The following BLTP2 variants were observed in gnomAD, a reference collection of about 807,000 sequenced individuals.
BLTP2 encodes the protein U937-associated antigen.
the BLTP2 span, chr17:28,621,503 A>T: frequency 6.2e-7 from 1 of 1,611,336 alleles, no homozygotes; most frequent in Non-Finnish European, 8.5e-7. Flanking sequence ...CTTCACCTGA[A>T]GAAAGAGATG....
the BLTP2 span, chr17:28,634,764 T>C: frequency 1.9e-6 from 3 of 1,613,932 alleles, no homozygotes; most frequent in Non-Finnish European, 2.5e-6. Context: ...TTTCAATGTT[T>C]TTGCGTTCCA....
At chr17:28,634,187 A>G in the BLTP2 span, 1 of 1,048,116 alleles carries the variant, frequency 9.5e-7, no homozygotes, top group Non-Finnish European at 1.4e-6. Flanking sequence ...CTATATTTAC[A>G]AAGTCAATTG....
the BLTP2 span, chr17:28,643,243 G>C: frequency 5.0e-6 from 8 of 1,614,168 alleles, no homozygotes; most frequent in South Asian, 7.7e-5. Flanking sequence ...GAATGGGGCA[G>C]ACAGGTCAGA....
chr17:28,645,140 C>G, the BLTP2 span: 6 of 1,130,728 alleles, frequency 5.3e-6, no homozygotes, highest in Non-Finnish European at 5.8e-6. Flanking sequence ...CGCCGCGGGC[C>G]GACCAGCTGC....
the BLTP2 span, among the ~76,000 whole-genome samples, chr17:28,629,987 A>G: frequency 2.2e-3 from 335 of 152,066 alleles, 3 homozygotes; most frequent in African/African-American, 7.2e-3. Flanking sequence ...TCAGCCTCCT[A>G]AATAGCTAGG....
chr17:28,622,417 C>T, the BLTP2 span, among the ~76,000 whole-genome samples: 1 of 151,946 alleles, frequency 6.6e-6, no homozygotes, highest in African/African-American at 2.4e-5. Flanking sequence ...AAGCATCAGC[C>T]AGGGAGGTGA....
the BLTP2 span, among the ~76,000 whole-genome samples, chr17:28,644,807 G>A: frequency 6.6e-6 from 1 of 152,046 alleles, no homozygotes; most frequent in Non-Finnish European, 1.5e-5. Context: ...CCATCCCTGG[G>A]AGCTCGGGCC....
chr17:28,617,130 T>TCACC, the BLTP2 span: 2 of 1,205,052 alleles, frequency 1.7e-6, no homozygotes, highest in Non-Finnish European at 2.4e-6. Flanking sequence ...CCCTCTCAGA[T>TCACC]CACCACATTG....
At chr17:28,616,849 TG>T in the BLTP2 span, 2 of 1,603,868 alleles carry the variant, frequency 1.2e-6, no homozygotes. This position sits in a 1 kb window ranked among gnomAD's most constrained non-coding sequence, Gnocchi z 4.8. Context: ...GGCTTTTGAA[TG>T]TCCCTTGTTC....
the BLTP2 span, chr17:28,616,082 TGA>T: frequency 2.0e-5 from 32 of 1,597,794 alleles, no homozygotes; most frequent in Non-Finnish European, 2.6e-5. The surrounding 1 kb of genome is among the most constrained non-coding windows in gnomAD (Gnocchi z 4.8). Context: ...ACAAAGTGCT[TGA>T]GAGGTGCAGA....
chr17:28,634,919 G>A, the BLTP2 span: 4 of 1,613,898 alleles, frequency 2.5e-6, no homozygotes, highest in Non-Finnish European at 3.4e-6. Context: ...TTATCATGAA[G>A]TTTCACCTCA....
the BLTP2 span, chr17:28,642,374 G>T: frequency 2.5e-6 from 4 of 1,588,798 alleles, no homozygotes; most frequent in East Asian, 2.2e-5. Flanking sequence ...TGGCCTTGCC[G>T]GGCGCGGTGG....
the BLTP2 span, among the ~76,000 whole-genome samples, chr17:28,617,922 C>T: frequency 6.6e-6 from 1 of 151,602 alleles, no homozygotes; most frequent in Admixed American, 6.6e-5. Flanking sequence ...CACCACCACA[C>T]CCAATTTTCT....
the BLTP2 span, among the ~76,000 whole-genome samples, chr17:28,641,490 A>C: frequency 2.0e-5 from 3 of 151,908 alleles, no homozygotes; most frequent in Non-Finnish European, 4.4e-5. Flanking sequence ...AAATACAAAA[A>C]TTAGCCAGGC....
chr17:28,636,866 T>G, the BLTP2 span: 1 of 987,756 alleles, frequency 1.0e-6, no homozygotes, highest in African/African-American at 1.7e-5. Context: ...TGTGACACTC[T>G]GTTTTGGGAA....
chr17:28,635,822 T>C, the BLTP2 span: 8 of 514,736 alleles, frequency 1.6e-5, no homozygotes, highest in South Asian at 3.0e-5. Context: ...AGAGCACTTA[T>C]ACTTTTTAAG....
the BLTP2 span, among the ~76,000 whole-genome samples, chr17:28,630,775 C>G: frequency 6.6e-6 from 1 of 152,078 alleles, no homozygotes; most frequent in African/African-American, 2.4e-5. Context: ...TGAGCCACCG[C>G]ACCCAGCCCT....
At chr17:28,635,370 C>A in the BLTP2 span, 1 of 1,614,222 alleles carries the variant, frequency 6.2e-7, no homozygotes. Flanking sequence ...AAGCTGTGAG[C>A]TTGGCTGTGC....
the BLTP2 span, chr17:28,633,082 T>G: frequency 6.3e-7 from 1 of 1,592,208 alleles, no homozygotes; most frequent in Non-Finnish European, 8.6e-7. Flanking sequence ...ATGGTGATCA[T>G]GGGGGTTCCC....
Sources: gnomAD v4.1 joint callset for allele counts (sites outside exome capture counted in the v4.1 genomes callset) on GRCh38, gnomAD v4.1.1 for gene constraint, Gnocchi (gnomAD v3.1) non-coding constraint, MANE v1.5 for transcripts, NCBI Gene and HGNC (gene_info 2026-07-23, HGNC 2026-07-21) for gene names.